LDHC: variants seen among roughly 807,000 people sequenced by gnomAD.
LDHC encodes L-lactate dehydrogenase C chain.
Under a neutral mutation model 30.2 loss-of-function variants are expected in LDHC, and 20 were observed. The ratio of observed to expected loss-of-function variants is 0.66; its 90% CI spans 0.47 to 0.96. The LOEUF is 0.96. Ranked by LOEUF, LDHC falls within the 40% of genes least tolerant of loss-of-function variation. The pLI is 0.00. For missense variants in LDHC, 362 were observed against 394.9 expected, an observed-to-expected ratio of 0.92 and a Z score of 0.71; for synonymous variants, 139 against 132.7, an observed-to-expected ratio of 1.05 and a Z score of -0.32.
chr11:18,442,960 G>GT (rs1001016985), intron 6 of LDHC, among the ~76,000 whole-genome samples: 19 of 152,184 alleles, frequency 1.2e-4, no homozygotes, highest in African/African-American at 4.3e-4. Flanking sequence ...TAAAGCAAAT[G>GT]TATTTCTTTT....
intron 3 of LDHC, among the ~76,000 whole-genome samples, chr11:18,427,824 G>A (rs939970908): frequency 1.3e-5 from 2 of 151,736 alleles, no homozygotes; most frequent in East Asian, 1.9e-4. Flanking sequence ...ATTACAGCAC[G>A]TGCCATCATG....
chr11:18,430,988 AC>A (rs1475526923), intron 4 of LDHC, among the ~76,000 whole-genome samples: 1 of 151,760 alleles, frequency 6.6e-6, no homozygotes, highest in Non-Finnish European at 1.5e-5. Flanking sequence ...ACATAGGGAG[AC>A]CTTGTCTGTA....
intron 6 of LDHC, 74 bp from the exon 7 acceptor site, chr11:18,446,136 A>G: frequency 8.0e-7 from 1 of 1,248,654 alleles, no homozygotes; most frequent in Non-Finnish European, 1.2e-6. Context: ...TTTAAAATGG[A>G]TGCTTGAAGA....
chr11:18,450,719 T>G (rs1208152985), intron 7 of LDHC: 1 of 359,658 alleles, frequency 2.8e-6, no homozygotes, highest in Non-Finnish European at 4.9e-6. Flanking sequence ...AGGGATAAGG[T>G]AAATTGTATG....
intron 5 of LDHC, among the ~76,000 whole-genome samples, chr11:18,438,242 A>G (rs2133839159): frequency 6.6e-6 from 1 of 152,244 alleles, no homozygotes; most frequent in South Asian, 2.1e-4. Flanking sequence ...CAGAAACGAG[A>G]GAGAGGAGGT....
chr11:18,429,793 C>G lies in LDHC; in HGVS notation c.301C>G (p.Gln101Glu). 6.2e-7 allele frequency: 1 copy of G among 1,612,072 alleles called. No individual in the cohort carries two copies. Among genetic ancestry groups the G allele is most frequent in the Non-Finnish European group, 8.5e-7 (1 of 1,178,230 alleles). Reference protein sequence around the residue: ...IVIVTAGARQQEGETRLALVQ... With the variant: ...IVIVTAGARQEEGETRLALVQ... ...TATTGTCACAGCAGGTGCAAGGCAG[C>G]AGGAGGGAGAAACTCGCCTTGCCCT... The change falls in exon 4 of 8, where the codon CAG (glutamine) becomes GAG (glutamate). Residue 101 changes from glutamine to glutamate, a missense_variant. Transcript: ENST00000541669.
At position 18,422,648 on chromosome 11, in the gene LDHC, C is replaced by G. The variant is rs567409182; in HGVS notation, c.245-7089C>G. 2.6e-5 allele frequency among the ~76,000 whole-genome samples: 4 copies of G among 151,754 alleles called. No homozygotes were observed. The South Asian group carries it at 8.3e-4, about 31-fold the overall frequency. On this transcript the variant is annotated intron_variant, in intron 3 of 7. Coordinates refer to ENST00000541669, the MANE Select transcript of LDHC (RefSeq NM_017448.5). Reference sequence around the variant, plus strand: ...TACAATATCATAAAAATAGGAAATACCTGGCATAAGAGCTTTTGTGCAGAA... The same window carrying G: ...TACAATATCATAAAAATAGGAAATAGCTGGCATAAGAGCTTTTGTGCAGAA...
At chr11:18,423,141 A>C (rs1413008630) in intron 3 of LDHC, among the ~76,000 whole-genome samples, 2 of 152,146 alleles carry the variant, frequency 1.3e-5, no homozygotes, top group African/African-American at 4.8e-5. Flanking sequence ...CCTGGCCAAC[A>C]TGGTGAAACC....
At chr11:18,440,748 G>A (rs1385980131) in intron 6 of LDHC, among the ~76,000 whole-genome samples, 1 of 151,428 alleles carries the variant, frequency 6.6e-6, no homozygotes, top group African/African-American at 2.4e-5. Context: ...GGGCAACAGA[G>A]TGAGATCATG....
chr11:18,437,836 G>A (rs971990903), intron 5 of LDHC, among the ~76,000 whole-genome samples: 9 of 151,844 alleles, frequency 5.9e-5, no homozygotes, highest in African/African-American at 1.9e-4. Flanking sequence ...AGGCCAACGC[G>A]TGTGGATCAC....
chr11:18,428,117 A>G (rs984135866), intron 3 of LDHC, among the ~76,000 whole-genome samples: 4 of 149,438 alleles, frequency 2.7e-5, no homozygotes, highest in South Asian at 4.3e-4. Flanking sequence ...TGAAGATGTG[A>G]TATTTTAAAA....
chr11:18,438,502 T>C (rs760474295), intron 5 of LDHC, 26 bp from the exon 6 acceptor site: 2 of 1,427,018 alleles, frequency 1.4e-6, no homozygotes, highest in Admixed American at 3.4e-5. Flanking sequence ...GGAAGAAGAG[T>C]TTATTTTGAG....
chr11:18,429,049 A>T (rs1848216145), intron 3 of LDHC, among the ~76,000 whole-genome samples: 1 of 151,010 alleles, frequency 6.6e-6, no homozygotes, highest in Non-Finnish European at 1.5e-5. Flanking sequence ...AAGTAAATAC[A>T]TTCTCACTCT....
At chr11:18,447,766 C>T (rs181589505) in intron 7 of LDHC, among the ~76,000 whole-genome samples, 82 of 151,946 alleles carry the variant, frequency 5.4e-4, no homozygotes, top group Non-Finnish European at 9.4e-4. Flanking sequence ...TTTGGAAGAA[C>T]GGGGCAGGTG....
intron 2 of LDHC, 76 bp from the exon 3 acceptor site, chr11:18,415,108 T>C: frequency 1.4e-6 from 1 of 728,366 alleles, no homozygotes; most frequent in East Asian, 2.6e-5. Flanking sequence ...AATTATCAAG[T>C]AGCCACATGA....
intron 2 of LDHC, among the ~76,000 whole-genome samples, chr11:18,414,806 G>A (rs569859426): frequency 2.0e-5 from 3 of 152,148 alleles, no homozygotes; most frequent in South Asian, 4.2e-4. Flanking sequence ...CAGCCTGGGC[G>A]ACAGAGTGAG....
chr11:18,424,525 G>A (rs1017417511), intron 3 of LDHC, among the ~76,000 whole-genome samples: 1 of 152,104 alleles, frequency 6.6e-6, no homozygotes, highest in African/African-American at 2.4e-5. Context: ...GTACAAGAAC[G>A]TATTGTAGTA....
intron 3 of LDHC, among the ~76,000 whole-genome samples, chr11:18,420,135 ATAGAT>A (rs112478606): frequency 0.15 from 22,635 of 152,036 alleles, 1,858 homozygotes; most frequent in African/African-American, 0.21. Flanking sequence ...GGATACAATG[ATAGAT>A]TAGACACATT....
intron 3 of LDHC, among the ~76,000 whole-genome samples, chr11:18,421,735 C>T (rs546041938): frequency 3.3e-5 from 5 of 152,190 alleles, no homozygotes; most frequent in African/African-American, 1.2e-4. Context: ...TCTCAAACTC[C>T]TGGGCCCAAA....
Sources: allele counts gnomAD v4.1 joint callset (sites outside exome capture counted in the v4.1 genomes callset), GRCh38; gene constraint gnomAD v4.1.1; transcripts MANE v1.5; gene names NCBI Gene and HGNC (gene_info 2026-07-23, HGNC 2026-07-21).